Variants in ASPH observed in about 807,000 individuals in gnomAD.
ASPH encodes aspartyl/asparaginyl beta-hydroxylase.
In ASPH, 100 loss-of-function variants were observed where a neutral mutation model predicts 118.4. The observed-to-expected ratio is 0.84, with a 90% CI of 0.72 to 1.00. ASPH has a LOEUF of 1.00. Among genes scored for constraint, ASPH ranks in the 50% least tolerant of loss-of-function variants. The pLI, the probability that ASPH is intolerant of heterozygous loss-of-function variation, is 0.00. For synonymous variants in ASPH, 315 were observed against 325.6 expected (o/e 0.97, Z 0.35); for missense variants, 920 against 919.5 (o/e 1.00, Z -0.01).
At position 61,500,658 on chromosome 8, in the gene ASPH, T is replaced by TGATA. The variant is rs1804683691; in HGVS notation, c.*2697_*2700dup. 1 of 152,168 alleles carries TGATA rather than the reference T, an allele frequency of 6.6e-6. No individual in the cohort carries two copies. Among genetic ancestry groups the TGATA allele is most frequent in the Non-Finnish European group, 1.5e-5 (1 of 68,034 alleles). 9.4% of individuals were successfully genotyped at this position (152,168 alleles called of 1,614,324 possible). ...ACATAAAATAAACAGACATCATATA[T>TGATA]GATATCCTTACTTGTGCCATGTTTT... is the stretch of plus-strand genomic sequence containing the variant. On this transcript the variant is annotated 3_prime_UTR_variant, in exon 25 of 25. Transcript: ENST00000379454.
At chr8:61,609,445 G>A (rs1043586945) in intron 14 of ASPH, among the ~76,000 whole-genome samples, 10 of 152,108 alleles carry the variant, frequency 6.6e-5, no homozygotes, top group African/African-American at 1.9e-4. Context: ...ACTGCTGACC[G>A]GGCATGGTAG....
At chr8:61,643,365 A>C in intron 9 of ASPH, 21 bp downstream of exon 9, 1 of 1,595,542 alleles carries the variant, frequency 6.3e-7, no homozygotes, top group Non-Finnish European at 8.5e-7. Flanking sequence ...TTTAAATCTA[A>C]TGAAAATGCT....
intron 13 of ASPH, chr8:61,626,357 T>G: frequency 7.4e-7 from 1 of 1,359,596 alleles, no homozygotes; most frequent in Non-Finnish European, 9.6e-7. Context: ...TTCATTCTAC[T>G]TTTTAAAAAA....
In ASPH at chr8:61,614,809, C is replaced by T. The variant is rs112842222; in HGVS notation, c.976+4169G>A. ...CTGGCCATAGATCCATATTTGACCT[C>T]TCTCACTCCATTATTCCACCCATTA... On this transcript the variant is annotated intron_variant, in intron 14 of 24. Transcript: ENST00000379454. 3.9e-4 allele frequency among the ~76,000 whole-genome samples: 60 copies of T among 152,222 alleles called. 1 individual carries two copies. The highest frequency in any genetic ancestry group is 9.9e-4 in the African/African-American group (41 of 41,544).
intron 21 of ASPH, among the ~76,000 whole-genome samples, chr8:61,545,240 A>G (rs1004995394): frequency 1.3e-5 from 2 of 152,238 alleles, no homozygotes; most frequent in African/African-American, 4.8e-5. Flanking sequence ...AGCCTCAGAG[A>G]GCTGCCTTCT....
At chr8:61,505,953 C>T (rs914933091) in intron 24 of ASPH, among the ~76,000 whole-genome samples, 2 of 152,090 alleles carry the variant, frequency 1.3e-5, no homozygotes, top group Non-Finnish European at 1.5e-5. Context: ...TCAGTGGGTA[C>T]CACAAACGAG....
chr8:61,565,230 C>A (rs937777048), intron 17 of ASPH, among the ~76,000 whole-genome samples: 4 of 152,026 alleles, frequency 2.6e-5, no homozygotes, highest in African/African-American at 9.7e-5. Context: ...AAATTTACTT[C>A]ATGTTTTTTT....
At chr8:61,676,094 AAT>A (rs1825175710) in intron 3 of ASPH, 1 of 1,599,394 alleles carries the variant, frequency 6.3e-7, no homozygotes, top group East Asian at 2.2e-5. Context: ...ATGTAAATCC[AAT>A]ATGACACAAG....
intron 13 of ASPH, 147 bp from the exon 14 acceptor site, chr8:61,619,166 T>C (rs1025679661): frequency 2.0e-5 from 11 of 563,290 alleles, no homozygotes; most frequent in Non-Finnish European, 3.3e-5. Flanking sequence ...AAATCCTGAA[T>C]TCATTACACA....
Position 61,562,789 on chromosome 8 carries a change from G to T in ASPH, c.1392C>A (p.Tyr464Ter). Residue 464 changes from tyrosine to a stop codon, truncating the protein, a stop_gained, in exon 18 of 25, where the codon TAC (tyrosine) becomes TAA (stop). Transcript: ENST00000379454. LOFTEE classifies it high-confidence loss of function. ...CATTGTCATTATCTCCTATCAAGAG[G>T]TATCCCACGCCAAGGTCATTTTTTA... ...TSLKNDLGVG[Y>*]LLIGDNDNAK... is the part of the protein sequence containing the mutation. 1 of 1,611,982 alleles carries T rather than the reference G, an allele frequency of 6.2e-7. No individual in the cohort carries two copies. The highest frequency in any genetic ancestry group is 8.5e-7 in the Non-Finnish European group (1 of 1,179,234).
At chr8:61,624,649 T>C in intron 13 of ASPH, 1 of 985,456 alleles carries the variant, frequency 1.0e-6, no homozygotes. Context: ...ACAAGGCTCA[T>C]TAATTCAGAT....
intron 21 of ASPH, among the ~76,000 whole-genome samples, chr8:61,527,890 T>G (rs1816047242): frequency 6.6e-6 from 1 of 152,216 alleles, no homozygotes; most frequent in African/African-American, 2.4e-5. Context: ...CCAGTTGTAG[T>G]TGTTTTCAAA....
intron 3 of ASPH, chr8:61,657,648 T>C (rs1416612725): frequency 6.6e-6 from 1 of 152,148 alleles, no homozygotes; most frequent in Non-Finnish European, 1.5e-5. Flanking sequence ...GGCACATATT[T>C]GGCACCAAGG....
chr8:61,530,862 C>T (rs912455468), intron 21 of ASPH, among the ~76,000 whole-genome samples: 3 of 152,104 alleles, frequency 2.0e-5, no homozygotes, highest in African/African-American at 7.2e-5. Context: ...TCTAAATAGC[C>T]TGTTATATTG....
chr8:61,579,575 C>T, intron 15 of ASPH: 3 of 1,519,670 alleles, frequency 2.0e-6, no homozygotes, highest in Non-Finnish European at 2.7e-6. Context: ...CCAGCTCCCT[C>T]AGCCGCACCA....
chr8:61,679,350 C>T (rs148918546), intron 3 of ASPH, among the ~76,000 whole-genome samples: 9 of 152,154 alleles, frequency 5.9e-5, no homozygotes, highest in Non-Finnish European at 1.2e-4. Context: ...ACTATACCTG[C>T]AAACAGCAAT....
chr8:61,618,899 T>C (rs896885518), intron 14 of ASPH, 79 bp downstream of exon 14: 178 of 1,256,950 alleles, frequency 1.4e-4, no homozygotes, highest in Middle Eastern at 5.6e-4. Context: ...TAAAATCATG[T>C]TATTCTTGGA....
intron 1 of ASPH, among the ~76,000 whole-genome samples, chr8:61,699,885 A>G (rs1834828986): frequency 6.6e-6 from 1 of 152,208 alleles, no homozygotes; most frequent in South Asian, 2.1e-4. Flanking sequence ...GGCCCACCCT[A>G]TGCCTAGTTG....
intron 1 of ASPH, among the ~76,000 whole-genome samples, chr8:61,706,175 C>A (rs1178306508): frequency 6.6e-6 from 1 of 151,042 alleles, no homozygotes; most frequent in Non-Finnish European, 1.5e-5. Context: ...GTAATCCCAG[C>A]ACTTTGGGAA....
Sources: allele counts gnomAD v4.1 joint callset (sites outside exome capture counted in the v4.1 genomes callset), GRCh38; gene constraint gnomAD v4.1.1; transcripts MANE v1.5; gene names NCBI Gene and HGNC (gene_info 2026-07-23, HGNC 2026-07-21).